Variants in PRKN observed in about 807,000 individuals in gnomAD.
PRKN encodes E3 ubiquitin-protein ligase parkin.
In PRKN, 56 loss-of-function variants were observed where a neutral mutation model predicts 59.5. The ratio of observed to expected loss-of-function variants is 0.94; its 90% confidence interval spans 0.76 to 1.18. The LOEUF is 1.18. Ranked by LOEUF, PRKN falls within the 50% of genes most tolerant of loss-of-function variation. The pLI, the probability that PRKN is intolerant of heterozygous loss-of-function variation, is 0.00. For missense variants in PRKN, 657 were observed against 596.4 expected (o/e 1.10, Z -1.06); for synonymous variants, 250 against 222.1 (o/e 1.13, Z -1.12).
intron 6 of PRKN, among the ~76,000 whole-genome samples, chr6:161,942,289 G>C (rs1451814437): frequency 6.6e-6 from 1 of 152,144 alleles, no homozygotes; most frequent in Non-Finnish European, 1.5e-5. Flanking sequence ...CCAGCACTTT[G>C]GGAGGCCGAG....
intron 2 of PRKN, among the ~76,000 whole-genome samples, chr6:162,335,163 G>A (rs1040195920): frequency 3.3e-5 from 5 of 151,700 alleles, no homozygotes; most frequent in African/African-American, 4.8e-5. Flanking sequence ...ATAGGTACAC[G>A]GCACCACGTT....
intron 1 of PRKN, among the ~76,000 whole-genome samples, chr6:162,536,943 A>T (rs1458586728): frequency 6.6e-6 from 1 of 152,152 alleles, no homozygotes; most frequent in Non-Finnish European, 1.5e-5. Context: ...ATGTACACCA[A>T]AGTTTAAGAA....
chr6:162,442,021 AT>A (rs1464091846), intron 2 of PRKN, among the ~76,000 whole-genome samples: 1 of 151,826 alleles, frequency 6.6e-6, no homozygotes, highest in Non-Finnish European at 1.5e-5. Flanking sequence ...AAAAAAAAAA[AT>A]CAAAACCCTT....
intron 6 of PRKN, among the ~76,000 whole-genome samples, chr6:161,792,568 T>C (rs977448940): frequency 1.3e-5 from 2 of 152,186 alleles, no homozygotes; most frequent in African/African-American, 4.8e-5. Flanking sequence ...AATAAAAATA[T>C]TACGTGCAAA....
intron 1 of PRKN, among the ~76,000 whole-genome samples, chr6:162,509,703 G>A (rs546535241): frequency 8.5e-5 from 13 of 152,276 alleles, no homozygotes; most frequent in Non-Finnish European, 1.5e-4. Context: ...TATCCCCAGA[G>A]CAGTATTTTA....
Position 161,385,589 on chromosome 6 carries a change from A to G in PRKN, c.1167+1205T>C, listed in dbSNP as rs1786205530. 6.6e-6 allele frequency among the ~76,000 whole-genome samples: 1 copy of G among 152,162 alleles called. No homozygotes were observed. On this transcript the variant is annotated intron_variant, in intron 10 of 11. Coordinates refer to ENST00000366898, the MANE Select transcript of PRKN (RefSeq NM_004562.3). This position sits in a 1 kb window ranked among gnomAD's most constrained non-coding sequence, Gnocchi z 4.9. ...TACTGTTTCCAAATAAATACTGTAG[A>G]TGCCAGAGTATCACTTTGTGGAAGC...
At chr6:162,337,928 TTAA>T (rs1390225897) in intron 2 of PRKN, among the ~76,000 whole-genome samples, 4 of 152,136 alleles carry the variant, frequency 2.6e-5, no homozygotes, top group Admixed American at 6.5e-5. Context: ...AAATACATTA[TTAA>T]TGTTACATAA....
chr6:162,344,783 G>T (rs556170026), intron 2 of PRKN, among the ~76,000 whole-genome samples: 1 of 152,296 alleles, frequency 6.6e-6, no homozygotes, highest in African/African-American at 2.4e-5. Flanking sequence ...GTTTGAAAAT[G>T]GATGTGCCCC....
chr6:162,700,868 G>T (rs1432568962), intron 1 of PRKN, among the ~76,000 whole-genome samples: 1 of 151,700 alleles, frequency 6.6e-6, no homozygotes, highest in Non-Finnish European at 1.5e-5. Context: ...CCAATTCAAG[G>T]CCTGTCCTTT....
At chr6:161,968,639 TTTGA>T (rs1780678492) in intron 6 of PRKN, among the ~76,000 whole-genome samples, 1 of 152,198 alleles carries the variant, frequency 6.6e-6, no homozygotes, top group Non-Finnish European at 1.5e-5. Context: ...TTATGTCTAA[TTTGA>T]TTAATGATGT....
intron 3 of PRKN, among the ~76,000 whole-genome samples, chr6:162,242,571 A>G (rs528306355): frequency 6.2e-4 from 95 of 152,316 alleles, no homozygotes; most frequent in Non-Finnish European, 1.1e-3. Flanking sequence ...TTGAACAACA[A>G]TCAACTATTA....
At chr6:161,697,925 T>C (rs1249167882) in intron 7 of PRKN, among the ~76,000 whole-genome samples, 1 of 152,174 alleles carries the variant, frequency 6.6e-6, no homozygotes, top group Non-Finnish European at 1.5e-5. Flanking sequence ...TATTTATAGA[T>C]TCATTACTCC....
chr6:161,681,247 C>T lies in PRKN; in HGVS notation c.871+104525G>A, dbSNP rs191668995. Among the ~76,000 whole-genome samples the T allele has an allele frequency of 5.9e-5, 9 of 152,252 alleles. No homozygotes were observed. The East Asian group carries it at 9.7e-4, about 16-fold the overall frequency. On this transcript the variant is annotated intron_variant, in intron 7 of 11. Coordinates refer to ENST00000366898, the MANE Select transcript of PRKN (RefSeq NM_004562.3). ...AAAGTGCTGGGATTACAGGCCTAAG[C>T]GACTGCACCCAGCCTTGTTAATAGG...
At chr6:162,054,527 A>G (rs960827496) in intron 4 of PRKN, among the ~76,000 whole-genome samples, 2 of 152,054 alleles carry the variant, frequency 1.3e-5, no homozygotes, top group African/African-American at 4.8e-5. Flanking sequence ...TTGCTTCATA[A>G]TAATTATTAC....
At chr6:161,651,641 G>C (rs998808836) in intron 7 of PRKN, among the ~76,000 whole-genome samples, 4 of 152,266 alleles carry the variant, frequency 2.6e-5, no homozygotes, top group African/African-American at 9.6e-5. Flanking sequence ...AGGTTATTAA[G>C]GTATTGCAGA....
chr6:162,185,457 A>G (rs976818021), intron 4 of PRKN, among the ~76,000 whole-genome samples: 4 of 152,226 alleles, frequency 2.6e-5, no homozygotes, highest in Admixed American at 2.0e-4. Context: ...AGTCATTATT[A>G]AATGTTTTTC....
chr6:162,626,007 G>A (rs1782872069), intron 1 of PRKN, among the ~76,000 whole-genome samples: 1 of 152,142 alleles, frequency 6.6e-6, no homozygotes, highest in African/African-American at 2.4e-5. Flanking sequence ...CTTGACTAAT[G>A]AATGACTTAT....
chr6:162,488,860 C>G (rs1482509969), intron 1 of PRKN, among the ~76,000 whole-genome samples: 3 of 152,140 alleles, frequency 2.0e-5, no homozygotes, highest in Non-Finnish European at 4.4e-5. Flanking sequence ...AGTTTACACT[C>G]TAGCAGGAAA....
At chr6:162,400,739 A>G (rs1339307641) in intron 2 of PRKN, among the ~76,000 whole-genome samples, 1 of 152,134 alleles carries the variant, frequency 6.6e-6, no homozygotes, top group Non-Finnish European at 1.5e-5. Context: ...CAGAGGAAGT[A>G]CATTTCTTAA....
Sources: gnomAD v4.1 joint callset for allele counts (sites outside exome capture counted in the v4.1 genomes callset) on GRCh38, gnomAD v4.1.1 for gene constraint, Gnocchi (gnomAD v3.1) non-coding constraint, MANE v1.5 for transcripts, NCBI Gene and HGNC (gene_info 2026-07-23, HGNC 2026-07-21) for gene names.